The following TMEM108 variants were observed in gnomAD, a reference collection of about 807,000 sequenced individuals.
TMEM108 encodes transmembrane protein 108.
In TMEM108, 12 loss-of-function variants were observed where a neutral mutation model predicts 35.1. That is an observed-to-expected ratio of 0.34 (90% confidence interval 0.22 to 0.55). TMEM108 has a LOEUF of 0.55. Ranked by LOEUF, TMEM108 falls within the 20% of genes least tolerant of loss-of-function variation. The probability of loss-of-function intolerance (pLI) is 0.89; values close to 1 mark genes in which losing one functional copy is unlikely to be tolerated. For missense variants in TMEM108, 680 were observed against 753.3 expected (o/e 0.90, Z 1.14); for synonymous variants, 287 against 308.6 (o/e 0.93, Z 0.73).
chr3:133,084,190 T>C (rs1943851676), intron 2 of TMEM108, among the ~76,000 whole-genome samples: 1 of 152,186 alleles, frequency 6.6e-6, no homozygotes, highest in African/African-American at 2.4e-5. Context: ...ATAAACCATG[T>C]GTATTCAGCT....
At chr3:133,244,664 A>G (rs1004513427) in intron 3 of TMEM108, among the ~76,000 whole-genome samples, 2 of 152,334 alleles carry the variant, frequency 1.3e-5, no homozygotes, top group South Asian at 4.1e-4. Flanking sequence ...ATGTTTTGCC[A>G]CAGAAGAAAC....
intron 3 of TMEM108, among the ~76,000 whole-genome samples, chr3:133,348,991 A>T (rs1425545919): frequency 6.6e-6 from 1 of 152,150 alleles, no homozygotes; most frequent in Non-Finnish European, 1.5e-5. Flanking sequence ...AGTAAACATG[A>T]TTGTTACCAA....
chr3:133,379,345 A>C (rs1210926430), intron 3 of TMEM108, among the ~76,000 whole-genome samples: 1 of 152,186 alleles, frequency 6.6e-6, no homozygotes, highest in East Asian at 1.9e-4. Flanking sequence ...AGGCTTCCCC[A>C]CAGGCAAGCT....
chr3:133,152,533 T>G (rs1944817134), intron 2 of TMEM108, among the ~76,000 whole-genome samples: 1 of 152,176 alleles, frequency 6.6e-6, no homozygotes, highest in Non-Finnish European at 1.5e-5. Context: ...TCTATTTGGG[T>G]TATGCCTTTG....
chr3:133,293,289 T>C (rs1947098510), intron 3 of TMEM108, among the ~76,000 whole-genome samples: 1 of 151,778 alleles, frequency 6.6e-6, no homozygotes, highest in Admixed American at 6.6e-5. Context: ...TTAGCACTTC[T>C]CTCCATGAAA....
chr3:133,369,502 T>C (rs1476847055), intron 3 of TMEM108, among the ~76,000 whole-genome samples: 1 of 152,194 alleles, frequency 6.6e-6, no homozygotes, highest in African/African-American at 2.4e-5. Context: ...ACATGGGTGG[T>C]GTTTACCCTG....
chr3:133,389,077 C>T, intron 4 of TMEM108: 2 of 985,540 alleles, frequency 2.0e-6, no homozygotes, highest in Non-Finnish European at 2.4e-6. Flanking sequence ...ACTCAGTCCT[C>T]ACTTCATGGC....
rs749164152 is a variant in TMEM108, at chr3:133,380,185, C to T, written c.474C>T (p.Pro158=). 2 of 1,611,890 alleles carry T rather than the reference C, an allele frequency of 1.2e-6. No homozygotes were observed. Among genetic ancestry groups the T allele is most frequent in the East Asian group, 4.5e-5 (2 of 44,730 alleles). The change falls in exon 4 of 6, where the codon CCC becomes CCT. Residue 158 remains proline, a synonymous_variant. Coordinates refer to ENST00000321871, the MANE Select transcript of TMEM108 (RefSeq NM_023943.4). The surrounding 1 kb of genome is among the most constrained non-coding windows in gnomAD (Gnocchi z 5.3). ...CCAGCCGCCCCACCACAGCGCCCCC[C>T]CGCACTACCACACGCAGGCCCCCCA... ...GATSRPTTAP[P]RTTTRRPPRP...
intron 3 of TMEM108, among the ~76,000 whole-genome samples, chr3:133,309,715 T>C (rs2071096897): frequency 1.3e-5 from 1 of 79,598 alleles, no homozygotes; most frequent in African/African-American, 5.2e-5. Flanking sequence ...TTTTTTTTTT[T>C]TTTGAGACGG....
At chr3:133,105,913 G>A (rs1317327826) in intron 2 of TMEM108, among the ~76,000 whole-genome samples, 1 of 152,136 alleles carries the variant, frequency 6.6e-6, no homozygotes, top group Admixed American at 6.5e-5. Flanking sequence ...GTACAAAGAG[G>A]TCTCCCGGTC....
intron 3 of TMEM108, among the ~76,000 whole-genome samples, chr3:133,243,813 C>T (rs917073052): frequency 6.6e-6 from 1 of 152,052 alleles, no homozygotes; most frequent in Non-Finnish European, 1.5e-5. Context: ...CATGAGCCAC[C>T]GCGCCCGGCC....
At position 133,380,666 on chromosome 3, in the gene TMEM108, C is replaced by T. The variant is rs779335348; in HGVS notation, c.955C>T (p.Arg319Cys). 33 of 1,613,882 alleles carry T rather than the reference C, an allele frequency of 2.0e-5. No individual in the cohort carries two copies. Among genetic ancestry groups the T allele is most frequent in the Non-Finnish European group, 2.7e-5 (32 of 1,179,998 alleles). The change falls in exon 4 of 6, where the codon CGC (arginine) becomes TGC (cysteine). Residue 319 changes from arginine to cysteine, a missense_variant. Arg to Cys is a radical substitution (Grantham distance 180). Around this residue, in one of 3 missense-constraint regions of TMEM108, gnomAD observed 526 missense variants for 532.1 expected, o/e 0.99. Coordinates refer to ENST00000321871, the MANE Select transcript of TMEM108 (RefSeq NM_023943.4). This position sits in a 1 kb window ranked among gnomAD's most constrained non-coding sequence, Gnocchi z 5.3. The stretch of plus-strand genomic sequence containing the variant: ...ACAAGCTGCCCCAGTGCCTTCTCAG[C>T]GCCCCCACCACGGTGACCCACAGGA... ...SPQAAPVPSQRPHHGDPQDGP... is the reference protein window; with the variant it reads ...SPQAAPVPSQCPHHGDPQDGP...
chr3:133,314,195 G>A lies in TMEM108; in HGVS notation c.41-65557G>A, dbSNP rs149713494. On this transcript the variant is annotated intron_variant, in intron 3 of 5. Transcript: ENST00000321871. ...CATCTTGAAAGAAAAGAAGTGGCTC[G>A]GACTTTACTGGAAAGAGTAATACTT... Among the ~76,000 whole-genome samples, 649 of 152,094 alleles carry A rather than the reference G, an allele frequency of 4.3e-3. 2 individuals carry two copies. The highest frequency in any genetic ancestry group is 0.014 in the African/African-American group (599 of 41,486).
intron 3 of TMEM108, among the ~76,000 whole-genome samples, chr3:133,282,972 T>G (rs370050784): frequency 4.6e-5 from 7 of 152,328 alleles, no homozygotes; most frequent in Admixed American, 3.3e-4. Context: ...GTGTGAAGGC[T>G]TATCTTAGTG....
intron 3 of TMEM108, among the ~76,000 whole-genome samples, chr3:133,362,730 T>C (rs565441565): frequency 6.6e-6 from 1 of 152,336 alleles, no homozygotes; most frequent in South Asian, 2.1e-4. Flanking sequence ...GATCCGCTTG[T>C]CACAAGCTGG....
intron 3 of TMEM108, among the ~76,000 whole-genome samples, chr3:133,316,400 A>G (rs754596093): frequency 6.6e-6 from 1 of 152,198 alleles, no homozygotes; most frequent in Non-Finnish European, 1.5e-5. Context: ...ATTGGGTACC[A>G]GTTGTAAGGG....
intron 2 of TMEM108, among the ~76,000 whole-genome samples, chr3:133,159,837 C>T (rs114067996): frequency 0.011 from 1,621 of 152,294 alleles, 9 homozygotes; most frequent in Non-Finnish European, 0.018. Flanking sequence ...CTTCTGTTTT[C>T]ATTTTCACTT....
chr3:133,237,442 A>G (rs1009651867), intron 3 of TMEM108, among the ~76,000 whole-genome samples: 2 of 152,122 alleles, frequency 1.3e-5, no homozygotes, highest in African/African-American at 4.8e-5. Context: ...TTATTGTCCT[A>G]TTCTCAGGTC....
At chr3:133,392,897 C>T (rs1330110563) in intron 5 of TMEM108, among the ~76,000 whole-genome samples, 1 of 152,222 alleles carries the variant, frequency 6.6e-6, no homozygotes, top group Non-Finnish European at 1.5e-5. Flanking sequence ...CTGCAGTCTG[C>T]CCTCTGCACA....
Sources: allele counts gnomAD v4.1 joint callset (sites outside exome capture counted in the v4.1 genomes callset), GRCh38; gene constraint gnomAD v4.1.1; regional missense constraint gnomAD v4.1.1; non-coding constraint Gnocchi (gnomAD v3.1); transcripts MANE v1.5; gene names NCBI Gene and HGNC (gene_info 2026-07-23, HGNC 2026-07-21).